HS6ST3: variants seen among roughly 807,000 people sequenced by gnomAD.
HS6ST3 encodes heparan-sulfate 6-O-sulfotransferase 3.
HS6ST3 carries 12 observed loss-of-function variants against 36.7 expected under a neutral mutation model. The ratio of observed to expected loss-of-function variants is 0.33; its 90% confidence interval spans 0.21 to 0.53. The LOEUF is 0.53. HS6ST3 is among the 20% of genes least tolerant of loss of function. The pLI is 0.95. For missense variants in HS6ST3, 584 were observed against 640.9 expected (o/e 0.91, Z 0.96); for synonymous variants, 240 against 257.5 (o/e 0.93, Z 0.65).
chr13:96,225,630 T>G (rs551529117), intron 1 of HS6ST3, among the ~76,000 whole-genome samples: 1 of 152,278 alleles, frequency 6.6e-6, no homozygotes, highest in African/African-American at 2.4e-5. Flanking sequence ...GATAGAACAT[T>G]TTATTTTAAT....
intron 1 of HS6ST3, among the ~76,000 whole-genome samples, chr13:96,332,211 T>G (rs2055074745): frequency 6.6e-6 from 1 of 152,138 alleles, no homozygotes; most frequent in Non-Finnish European, 1.5e-5. Flanking sequence ...CCTCCCCCCA[T>G]TTTTTCCTGT....
At chr13:96,274,000 CCTT>C (rs1173486762) in intron 1 of HS6ST3, among the ~76,000 whole-genome samples, 1 of 132,096 alleles carries the variant, frequency 7.6e-6, no homozygotes, top group Non-Finnish European at 1.6e-5. Flanking sequence ...CCTCCCTTCT[CCTT>C]CTCTCTCTCT....
chr13:96,196,679 A>G (rs979104660), intron 1 of HS6ST3, among the ~76,000 whole-genome samples: 1 of 152,176 alleles, frequency 6.6e-6, no homozygotes, highest in Non-Finnish European at 1.5e-5. Flanking sequence ...GCTCACCTGC[A>G]GCATGCTGAT....
intron 1 of HS6ST3, among the ~76,000 whole-genome samples, chr13:96,248,015 TAA>T (rs1464240545): frequency 6.6e-6 from 1 of 152,200 alleles, no homozygotes; most frequent in Non-Finnish European, 1.5e-5. Context: ...AGAATTAATA[TAA>T]GACAAGTTAA....
chr13:96,308,127 A>G (rs1367487809), intron 1 of HS6ST3, among the ~76,000 whole-genome samples: 1 of 152,154 alleles, frequency 6.6e-6, no homozygotes. Flanking sequence ...TTTTCAGTCT[A>G]TAAGAAAATA....
intron 1 of HS6ST3, among the ~76,000 whole-genome samples, chr13:96,720,725 T>C (rs1360077673): frequency 6.6e-6 from 1 of 152,238 alleles, no homozygotes; most frequent in East Asian, 1.9e-4. Flanking sequence ...CAAAGCAATA[T>C]GGAAATAAGA....
intron 1 of HS6ST3, among the ~76,000 whole-genome samples, chr13:96,302,840 T>C (rs1373886623): frequency 6.6e-6 from 1 of 151,984 alleles, no homozygotes; most frequent in African/African-American, 2.4e-5. Flanking sequence ...TGCTATCTCT[T>C]GTTTTAAGGT....
At chr13:96,408,074 G>A (rs1054109813) in intron 1 of HS6ST3, among the ~76,000 whole-genome samples, 1 of 152,040 alleles carries the variant, frequency 6.6e-6, no homozygotes, top group African/African-American at 2.4e-5. Context: ...CGAGTAGCTG[G>A]GACTATATGT....
chr13:96,319,312 T>G (rs1180052471), intron 1 of HS6ST3, among the ~76,000 whole-genome samples: 1 of 152,256 alleles, frequency 6.6e-6, no homozygotes, highest in African/African-American at 2.4e-5. Context: ...TCATCCATGC[T>G]CTAGCTTATA....
Position 96,336,559 on chromosome 13 carries a change from A to G in HS6ST3, c.707+244990A>G, listed in dbSNP as rs2055102127. On this transcript the variant is annotated intron_variant, in intron 1 of 1. Coordinates refer to ENST00000376705, the MANE Select transcript of HS6ST3 (RefSeq NM_153456.4). ...TAGGACACCAATATGTACAGGGGGAAGAGAATATGAAGATACCAGAAGAAG... is the reference window on the plus strand; with the variant it reads ...TAGGACACCAATATGTACAGGGGGAGGAGAATATGAAGATACCAGAAGAAG... 2.0e-5 allele frequency among the ~76,000 whole-genome samples: 3 copies of G among 152,192 alleles called. No homozygotes were observed. The South Asian group carries it at 6.2e-4, about 32-fold the overall frequency.
chr13:96,284,011 G>A (rs920105970), intron 1 of HS6ST3, among the ~76,000 whole-genome samples: 6 of 152,088 alleles, frequency 3.9e-5, no homozygotes, highest in African/African-American at 9.7e-5. Flanking sequence ...TCCTGAAAAC[G>A]TACATTTTTG....
At chr13:96,648,052 G>C (rs1463606158) in intron 1 of HS6ST3, among the ~76,000 whole-genome samples, 1 of 151,948 alleles carries the variant, frequency 6.6e-6, no homozygotes, top group Admixed American at 6.6e-5. Context: ...GTTTAGTGTT[G>C]ATCTTTGCAC....
At chr13:96,186,148 C>G (rs533176527) in intron 1 of HS6ST3, among the ~76,000 whole-genome samples, 30 of 152,104 alleles carry the variant, frequency 2.0e-4, no homozygotes, top group African/African-American at 7.0e-4. Flanking sequence ...AATGAGCAAG[C>G]TGGCTATTTT....
At chr13:96,169,061 G>A (rs2054174722) in intron 1 of HS6ST3, among the ~76,000 whole-genome samples, 1 of 152,192 alleles carries the variant, frequency 6.6e-6, no homozygotes, top group African/African-American at 2.4e-5. Flanking sequence ...CTGAACAGGT[G>A]ATGGTCCTCT....
intron 1 of HS6ST3, among the ~76,000 whole-genome samples, chr13:96,671,470 A>G (rs1001301265): frequency 5.3e-5 from 8 of 152,142 alleles, no homozygotes. Context: ...TCAGTTGCCA[A>G]GTATATTCAT....
At chr13:96,823,570 A>G (rs1878582875) in intron 1 of HS6ST3, among the ~76,000 whole-genome samples, 1 of 152,114 alleles carries the variant, frequency 6.6e-6, no homozygotes, top group Non-Finnish European at 1.5e-5. Flanking sequence ...ATATATATAT[A>G]TTTAACTGTG....
intron 1 of HS6ST3, among the ~76,000 whole-genome samples, chr13:96,608,094 T>C (rs909805708): frequency 6.6e-6 from 1 of 152,192 alleles, no homozygotes; most frequent in Admixed American, 6.5e-5. Context: ...TATGTTAAAA[T>C]CTTTGCGTTC....
At chr13:96,333,638 A>G (rs1369950015) in intron 1 of HS6ST3, among the ~76,000 whole-genome samples, 2 of 152,330 alleles carry the variant, frequency 1.3e-5, no homozygotes, top group East Asian at 3.9e-4. Context: ...AGTTCGAGTT[A>G]TATACAGGGT....
At chr13:96,369,401 A>G (rs576671370) in intron 1 of HS6ST3, among the ~76,000 whole-genome samples, 2 of 152,276 alleles carry the variant, frequency 1.3e-5, no homozygotes, top group South Asian at 2.1e-4. Context: ...AGATGCCTTA[A>G]GGGACCTAAT....
Sources: allele counts gnomAD v4.1 joint callset (sites outside exome capture counted in the v4.1 genomes callset), GRCh38; gene constraint gnomAD v4.1.1; transcripts MANE v1.5; gene names NCBI Gene and HGNC (gene_info 2026-07-23, HGNC 2026-07-21).